The following ATF7IP2 variants were observed in gnomAD, a reference collection of about 807,000 sequenced individuals.
The protein encoded by ATF7IP2 is activating transcription factor 7 interacting protein 2, also known as activating transcription factor 7-interacting protein 2.
A neutral mutation model predicts 64.2 loss-of-function variants in ATF7IP2; 42 were observed. The observed-to-expected ratio is 0.65, with a 90% CI of 0.51 to 0.85. The LOEUF (loss-of-function observed/expected upper bound fraction) is 0.85, where lower values mean the gene tolerates loss of function less well. Among genes scored for constraint, ATF7IP2 ranks in the 40% least tolerant of loss-of-function variants. The pLI, the probability that ATF7IP2 is intolerant of heterozygous loss-of-function variation, is 0.00. For missense variants in ATF7IP2, 933 were observed against 784.2 expected (o/e 1.19, Z -2.27); for synonymous variants, 308 against 272.8 (o/e 1.13, Z -1.27).
intron 1 of ATF7IP2, among the ~76,000 whole-genome samples, chr16:10,389,260 G>A (rs550093096): frequency 1.1e-4 from 16 of 152,042 alleles, no homozygotes; most frequent in Non-Finnish European, 1.6e-4. Flanking sequence ...AGTCTATCTG[G>A]CTATATAGAG....
chr16:10,431,863 G>A (rs533074895), intron 5 of ATF7IP2, among the ~76,000 whole-genome samples: 5 of 132,872 alleles, frequency 3.8e-5, no homozygotes, highest in East Asian at 2.2e-4. Flanking sequence ...TCGCTCTGTC[G>A]CTCAGGCTGG....
At chr16:10,453,724 T>TCTCCTA (rs2049067119) in intron 8 of ATF7IP2, among the ~76,000 whole-genome samples, 1 of 152,078 alleles carries the variant, frequency 6.6e-6, no homozygotes, top group African/African-American at 2.4e-5. Context: ...TTCAAGCAAT[T>TCTCCTA]CTCCTACCTC....
intron 8 of ATF7IP2, among the ~76,000 whole-genome samples, chr16:10,443,334 G>T (rs1189627662): frequency 6.6e-6 from 1 of 152,162 alleles, no homozygotes; most frequent in Admixed American, 6.5e-5. Context: ...GACCTGCAGG[G>T]TGCTGGACTT....
chr16:10,425,569 T>C (rs1459402311), intron 3 of ATF7IP2, among the ~76,000 whole-genome samples: 1 of 152,208 alleles, frequency 6.6e-6, no homozygotes, highest in Non-Finnish European at 1.5e-5. Context: ...AAAATATTTA[T>C]GTATTACAGG....
At chr16:10,460,148 G>A (rs1347835297) in intron 9 of ATF7IP2, among the ~76,000 whole-genome samples, 1 of 151,940 alleles carries the variant, frequency 6.6e-6, no homozygotes, top group African/African-American at 2.4e-5. Flanking sequence ...AAACAATCAG[G>A]AAATAAAATT....
rs777578652 is a variant in ATF7IP2, at chr16:10,389,009, C to CA, written c.-242+2902dup. ...CCTGGGCGACAGAGCAAGACTGTCT[C>CA]AAAAAAAAAAAAAAATTATAGTGGG... On this transcript the variant is annotated intron_variant, in intron 1 of 13. Transcript: ENST00000562102. Among the ~76,000 whole-genome samples the CA allele has an allele frequency of 7.0e-3, 824 of 118,300 alleles. 5 individuals are homozygous for CA. Among genetic ancestry groups the CA allele is most frequent in the Middle Eastern group, 0.03 (6 of 202 alleles). The allele number at this position is 118,300 out of a possible 152,430, so 77.6% of individuals were successfully genotyped here.
intron 2 of ATF7IP2, among the ~76,000 whole-genome samples, chr16:10,415,444 G>A (rs1475932857): frequency 6.6e-6 from 1 of 152,172 alleles, no homozygotes; most frequent in Admixed American, 6.5e-5. Flanking sequence ...AATGAAATTA[G>A]ATCTGTTATC....
chr16:10,458,975 C>T (rs1350431899), intron 9 of ATF7IP2, among the ~76,000 whole-genome samples: 1 of 151,066 alleles, frequency 6.6e-6, no homozygotes, highest in Non-Finnish European at 1.5e-5. Context: ...CACTTGAGGT[C>T]AGGAGTTTGA....
intron 12 of ATF7IP2, among the ~76,000 whole-genome samples, chr16:10,474,433 G>T (rs961483341): frequency 9.2e-5 from 14 of 151,994 alleles, no homozygotes; most frequent in African/African-American, 3.4e-4. Context: ...TGGCTTGTTG[G>T]GGACTTTTAC....
intron 3 of ATF7IP2, among the ~76,000 whole-genome samples, chr16:10,423,663 AG>A (rs371675986): frequency 1.3e-5 from 2 of 152,316 alleles, no homozygotes; most frequent in African/African-American, 4.8e-5. Context: ...GCAGAAGGGT[AG>A]GGACAAACCT....
chr16:10,404,021 A>G (rs903871576), intron 1 of ATF7IP2, among the ~76,000 whole-genome samples: 13 of 152,232 alleles, frequency 8.5e-5, no homozygotes, highest in Admixed American at 8.5e-4. Flanking sequence ...TTTTCAGGAA[A>G]TAATTAATGA....
chr16:10,411,086 C>G (rs2047749700), intron 1 of ATF7IP2, among the ~76,000 whole-genome samples: 1 of 152,148 alleles, frequency 6.6e-6, no homozygotes, highest in Non-Finnish European at 1.5e-5. Flanking sequence ...GGTGGGTTAT[C>G]TTTTTGATAT....
chr16:10,393,315 C>CAAAAA (rs58879332), intron 1 of ATF7IP2, among the ~76,000 whole-genome samples: 4 of 77,158 alleles, frequency 5.2e-5, no homozygotes, highest in Non-Finnish European at 9.9e-5. Context: ...GACTCTGTCT[C>CAAAAA]AAAAAAAAAA....
chr16:10,464,659 A>G (rs148805599), intron 9 of ATF7IP2, among the ~76,000 whole-genome samples: 48 of 152,344 alleles, frequency 3.2e-4, no homozygotes, highest in African/African-American at 1.1e-3. Context: ...TACTGATTGA[A>G]TAAAATATTA....
intron 9 of ATF7IP2, among the ~76,000 whole-genome samples, chr16:10,470,495 A>AACTT (rs1456172123): frequency 6.6e-5 from 10 of 152,148 alleles, no homozygotes; most frequent in African/African-American, 2.2e-4. Flanking sequence ...ACTGATTAAA[A>AACTT]ACTTAAGGCC....
At chr16:10,439,390 C>T (rs944570364) in intron 7 of ATF7IP2, among the ~76,000 whole-genome samples, 154 of 151,654 alleles carry the variant, frequency 1.0e-3, no homozygotes, top group African/African-American at 3.6e-3. Flanking sequence ...CGCCCGCCAC[C>T]GTGCCCGGCT....
In ATF7IP2 at chr16:10,482,225, T is replaced by G; in HGVS notation, c.2025T>G (p.Pro675=). ...CATTCTGTGATATAAAATCTATCCC[T>G]GGGTTTTCTGAAAATCTTACGTAAA... The part of the protein sequence containing the change: ...YGPFCDIKSI[P]GFSENLT The change falls in exon 14 of 14, where the codon CCT becomes CCG. Residue 675 remains proline, a synonymous_variant. Transcript: ENST00000562102. 2 of 1,586,982 alleles carry G rather than the reference T, an allele frequency of 1.3e-6. No homozygotes were observed. Among genetic ancestry groups the G allele is most frequent in the South Asian group, 2.3e-5 (2 of 86,064 alleles).
chr16:10,422,368 A>G (rs563290379), intron 3 of ATF7IP2, among the ~76,000 whole-genome samples: 3 of 152,292 alleles, frequency 2.0e-5, no homozygotes, highest in South Asian at 4.1e-4. Flanking sequence ...TACCAGGGAC[A>G]TACCCCGTTT....
intron 9 of ATF7IP2, among the ~76,000 whole-genome samples, chr16:10,458,144 A>G (rs1039447568): frequency 5.3e-5 from 8 of 152,254 alleles, no homozygotes; most frequent in African/African-American, 1.9e-4. Flanking sequence ...GCAAAGGAGA[A>G]GCATTACAGA....
Sources: gnomAD v4.1 joint callset for allele counts (sites outside exome capture counted in the v4.1 genomes callset) on GRCh38, gnomAD v4.1.1 for gene constraint, MANE v1.5 for transcripts, NCBI Gene and HGNC (gene_info 2026-07-23, HGNC 2026-07-21) for gene names.